ATP4A: variants seen among roughly 807,000 people sequenced by gnomAD.
ATP4A encodes ATPase H+/K+ transporting subunit alpha, also known as potassium-transporting ATPase alpha chain 1.
Under a neutral mutation model 112.1 loss-of-function variants are expected in ATP4A, and 73 were observed. The observed-to-expected ratio is 0.65, with a 90% CI of 0.54 to 0.79. ATP4A has a LOEUF of 0.79. Among genes scored for constraint, ATP4A ranks in the 30% least tolerant of loss-of-function variants. The pLI is 0.00. For synonymous variants in ATP4A, 588 were observed against 588.9 expected (o/e 1.00, Z 0.02); for missense variants, 1,081 against 1,425.9 (o/e 0.76, Z 3.90).
In ATP4A at chr19:35,558,491, G is replaced by T. The variant is rs369608411; in HGVS notation, c.1371C>A (p.Ile457=). The T allele has an allele frequency of 1.9e-4, 301 of 1,594,922 alleles. 7 individuals are homozygous for T. The South Asian group carries it at 3.2e-3, about 17-fold the overall frequency. Reference sequence around the variant, plus strand: ...CCGTCTCCGATGCGTCTCCAATCACGATGCGCTGGGAGCGGGGACCGGTGT... The same window carrying T: ...CCGTCTCCGATGCGTCTCCAATCACTATGCGCTGGGAGCGGGGACCGGTGT... The part of the protein sequence containing the change: ...GQDAVPVPKR[I]VIGDASETAL... The change falls in exon 10 of 22, where the codon ATC becomes ATA. Residue 457 remains isoleucine, a synonymous_variant. Transcript: ENST00000262623. The surrounding 1 kb of genome is among the most constrained non-coding windows in gnomAD (Gnocchi z 5.1).
chr19:35,553,565 C>T, intron 17 of ATP4A, 141 bp downstream of exon 17: 2 of 1,263,476 alleles, frequency 1.6e-6, no homozygotes, highest in African/African-American at 3.0e-5. Flanking sequence ...CAGAGAGGGA[C>T]ACGGAGGACA....
At position 35,557,130 on chromosome 19, in the gene ATP4A, C is replaced by G. The variant is rs1380923173; in HGVS notation, c.1694-42G>C. Reference sequence around the variant, plus strand: ...AAGTCAGGGAAGAGCCCTGGGCACACCCTTTCTTAGCAGGGCCAGGAAATG... The same window carrying G: ...AAGTCAGGGAAGAGCCCTGGGCACAGCCTTTCTTAGCAGGGCCAGGAAATG... On this transcript the variant is annotated intron_variant, in intron 11 of 21. Transcript: ENST00000262623. This position sits in a 1 kb window ranked among gnomAD's most constrained non-coding sequence, Gnocchi z 4.4. 2 of 1,607,142 alleles carry G rather than the reference C, an allele frequency of 1.2e-6. No homozygotes were observed.
In ATP4A at chr19:35,560,663, G is replaced by GGGGGGGGGGC; in HGVS notation, c.535-49_535-48insGCCCCCCCCC. The GGGGGGGGGGC allele has an allele frequency of 4.4e-5, 39 of 883,898 alleles. No homozygotes were observed. Among genetic ancestry groups the GGGGGGGGGGC allele is most frequent in the Non-Finnish European group, 6.4e-5 (36 of 561,668 alleles). The allele number at this position is 883,898 out of a possible 1,614,324, so 54.8% of individuals were successfully genotyped here. A position where few individuals can be genotyped will look rare whatever the true frequency, so the allele number is the denominator to read the frequency against. On this transcript the variant is annotated intron_variant, in intron 5 of 21. Coordinates refer to ENST00000262623, the MANE Select transcript of ATP4A (RefSeq NM_000704.3). The surrounding 1 kb of genome is among the most constrained non-coding windows in gnomAD (Gnocchi z 5.1). ...TTGAGGTGGACGGGGGTGGGGGTGGGAGCTGCTGCATGTGGGGAGGTAAAG... is the reference window on the plus strand; with the variant it reads ...TTGAGGTGGACGGGGGTGGGGGTGGGGGGGGGGGGCAGCTGCTGCATGTGGGGAGGTAAAG...
Position 35,558,099 on chromosome 19 carries a change from G to A in ATP4A, c.1501-252C>T. ...AGGGAATGAACAGAATTAGGGTGCG[G>A]AGTTGGGCTGGGGGCGGATTTGGAG... is the stretch of plus-strand genomic sequence containing the variant. On this transcript the variant is annotated intron_variant, in intron 10 of 21. Transcript: ENST00000262623. This position sits in a 1 kb window ranked among gnomAD's most constrained non-coding sequence, Gnocchi z 5.1. 1 of 617,520 alleles carries A rather than the reference G, an allele frequency of 1.6e-6. No homozygotes were observed. The highest frequency in any genetic ancestry group is 2.8e-6 in the Non-Finnish European group (1 of 356,790). 38.3% of individuals were successfully genotyped at this position (617,520 alleles called of 1,614,324 possible).
In ATP4A at chr19:35,551,301, T is replaced by A. The variant is rs997496353; in HGVS notation, c.2885+146A>T. 10 of 1,355,678 alleles carry A rather than the reference T, an allele frequency of 7.4e-6. No homozygotes were observed. Among genetic ancestry groups the A allele is most frequent in the Middle Eastern group, 1.9e-4 (1 of 5,256 alleles). The allele number at this position is 1,355,678 out of a possible 1,614,324, so 84.0% of individuals were successfully genotyped here. ...GTGGAGGGGGCCGTGGGGGGAGTTATTGGCCAGTTAGAAAGGTTTTTTTGG... is the reference window on the plus strand; with the variant it reads ...GTGGAGGGGGCCGTGGGGGGAGTTAATGGCCAGTTAGAAAGGTTTTTTTGG... On this transcript the variant is annotated intron_variant, in intron 19 of 21. Transcript: ENST00000262623. The surrounding 1 kb of genome is among the most constrained non-coding windows in gnomAD (Gnocchi z 5.2).
rs181550982 is a variant in ATP4A at position 35,550,478 on chromosome 19, G to A, written c.*137C>T. The A allele has an allele frequency of 4.7e-5, 56 of 1,188,824 alleles. No individual in the cohort carries two copies. The Admixed American group carries it at 6.8e-4, about 15-fold the overall frequency. The allele number at this position is 1,188,824 out of a possible 1,614,324, so 73.6% of individuals were successfully genotyped here. ...CAGGTCCCTCCAAGTTTGGGGTGCC[G>A]TGGGCTACAGAAGCAGATACTGGTG... is the stretch of plus-strand genomic sequence containing the variant. On this transcript the variant is annotated 3_prime_UTR_variant, in exon 22 of 22. Transcript: ENST00000262623. This position sits in a 1 kb window ranked among gnomAD's most constrained non-coding sequence, Gnocchi z 4.1.
At position 35,555,829 on chromosome 19, in the gene ATP4A, T is replaced by G. The variant is rs768008534; in HGVS notation, c.1870-17A>C. 31 of 1,596,346 alleles carry G rather than the reference T, an allele frequency of 1.9e-5. No homozygotes were observed. The highest frequency in any genetic ancestry group is 2.4e-5 in the Non-Finnish European group (28 of 1,166,806). On this transcript the variant is annotated splice_polypyrimidine_tract_variant and intron_variant, in intron 12 of 21. Coordinates refer to ENST00000262623, the MANE Select transcript of ATP4A (RefSeq NM_000704.3). The surrounding 1 kb of genome is among the most constrained non-coding windows in gnomAD (Gnocchi z 6.6). ...CATGATCACCTGTAGGGGGAACCAGTGGATCACTGACCCCTTCAGATCAGC... is the reference window on the plus strand; with the variant it reads ...CATGATCACCTGTAGGGGGAACCAGGGGATCACTGACCCCTTCAGATCAGC...
chr19:35,555,443 C>A lies in ATP4A; in HGVS notation c.2154G>T (p.Arg718=). The A allele has an allele frequency of 6.2e-7, 1 of 1,611,690 alleles. No homozygotes were observed. The highest frequency in any genetic ancestry group is 8.5e-7 in the Non-Finnish European group (1 of 1,178,632). The change falls in exon 14 of 22, where the codon CGG becomes CGT. Residue 718 remains arginine (R), a synonymous_variant. Transcript: ENST00000262623. The surrounding 1 kb of genome is among the most constrained non-coding windows in gnomAD (Gnocchi z 6.6). ...QKLVIVESCQ[R]LGAIVAVTGD... Reference sequence around the variant, plus strand: ...CACCCTCATCAGCAGGGCTCACCAGCCGCTGGCAGCTCTCCACGATCACCA... The same window carrying A: ...CACCCTCATCAGCAGGGCTCACCAGACGCTGGCAGCTCTCCACGATCACCA...
intron 16 of ATP4A, 48 bp downstream of exon 16, chr19:35,554,874 A>G: frequency 1.9e-6 from 3 of 1,611,440 alleles, no homozygotes; most frequent in Non-Finnish European, 2.5e-6. Flanking sequence ...TCTGCAAGCA[A>G]GTGTCTCTGG....
intron 3 of ATP4A, among the ~76,000 whole-genome samples, chr19:35,562,981 TCTCTCTCC>T (rs2071680747): frequency 6.7e-6 from 1 of 150,270 alleles, no homozygotes; most frequent in Non-Finnish European, 1.5e-5. Context: ...TCCCTCTCCC[TCTCTCTCC>T]CTCTCTCCAT....
At position 35,558,866 on chromosome 19, in the gene ATP4A, C is replaced by A. The variant is rs2071649935; in HGVS notation, c.1255+127G>T. 2 of 1,338,596 alleles carry A rather than the reference C, an allele frequency of 1.5e-6. No individual in the cohort carries two copies. The highest frequency in any genetic ancestry group is 2.9e-5 in the African/African-American group (2 of 68,946). 82.9% of individuals were successfully genotyped at this position (1,338,596 alleles called of 1,614,324 possible). ...CTTCCCTCTAGACCCGGTAGCGAGTCTCCTTTGAGACCTGGAGCCGAGCCG... is the reference window on the plus strand; with the variant it reads ...CTTCCCTCTAGACCCGGTAGCGAGTATCCTTTGAGACCTGGAGCCGAGCCG... On this transcript the variant is annotated intron_variant, in intron 8 of 21. Transcript: ENST00000262623. The surrounding 1 kb of genome is among the most constrained non-coding windows in gnomAD (Gnocchi z 5.1).
chr19:35,558,743 G>A lies in ATP4A; in HGVS notation c.1256-57C>T. ...ACGGCGGCTCTCCCGGACCAGAACC[G>A]AGCCCCCTCCTCCTAGGCTCATATC... On this transcript the variant is annotated intron_variant, in intron 8 of 21. Coordinates refer to ENST00000262623, the MANE Select transcript of ATP4A (RefSeq NM_000704.3). This position sits in a 1 kb window ranked among gnomAD's most constrained non-coding sequence, Gnocchi z 5.1. The A allele has an allele frequency of 1.3e-6, 2 of 1,502,126 alleles. No individual in the cohort carries two copies. Among genetic ancestry groups the A allele is most frequent in the South Asian group, 2.5e-5 (2 of 81,048 alleles). 93.0% of individuals were successfully genotyped at this position (1,502,126 alleles called of 1,614,324 possible). A position where few individuals can be genotyped will look rare whatever the true frequency, so the allele number is the denominator to read the frequency against.
At position 35,558,312 on chromosome 19, in the gene ATP4A, C is replaced by CT. The variant is rs1568314961; in HGVS notation, c.1500+49_1500+50insA. 1 of 1,564,384 alleles carries CT rather than the reference C, an allele frequency of 6.4e-7. No homozygotes were observed. Among genetic ancestry groups the CT allele is most frequent in the Admixed American group, 1.9e-5 (1 of 51,470 alleles). On this transcript the variant is annotated intron_variant, in intron 10 of 21. Transcript: ENST00000262623. This position sits in a 1 kb window ranked among gnomAD's most constrained non-coding sequence, Gnocchi z 5.1. Reference sequence around the variant, plus strand: ...CCGCTGATGTGGGTGTGGCCTGGGGCGGGGCCCGAGGTGGGCGGGCCCAGG... The same window carrying CT: ...CCGCTGATGTGGGTGTGGCCTGGGGCTGGGGCCCGAGGTGGGCGGGCCCAGG...
In ATP4A at chr19:35,555,526, C is replaced by T. The variant is rs779336531; in HGVS notation, c.2071G>A (p.Glu691Lys). ...LKDMDPSELV[E>K]ALRTHPEMVF... ...ATCTCGGGGTGGGTGCGCAGGGCCT[C>T]GACCAGTTCCGATGGGTCCATGTCC... Residue 691 changes from glutamate (E) to lysine (K), a missense_variant, in exon 14 of 22, where the codon GAG becomes AAG. Physicochemically the swap from Glu to Lys is moderately conservative, Grantham distance 56. Transcript: ENST00000262623. This position sits in a 1 kb window ranked among gnomAD's most constrained non-coding sequence, Gnocchi z 6.6. 1.2e-4 allele frequency: 186 copies of T among 1,603,256 alleles called. No homozygotes were observed. The highest frequency in any genetic ancestry group is 1.5e-4 in the Non-Finnish European group (171 of 1,173,118).
intron 4 of ATP4A, 129 bp from the exon 5 acceptor site, chr19:35,561,061 C>T: frequency 1.4e-6 from 1 of 709,436 alleles, no homozygotes; most frequent in Non-Finnish European, 2.5e-6. Context: ...CTAGGAAGCT[C>T]CATGCACCAT....
chr19:35,550,719 G>A lies in ATP4A; in HGVS notation c.3080-76C>T, dbSNP rs1304551222. Reference sequence around the variant, plus strand: ...CAGGGCCAGGGGCTCAGAGGTCAGTGCTGGTTGCTATGGAGGGTCAAGGGC... The same window carrying A: ...CAGGGCCAGGGGCTCAGAGGTCAGTACTGGTTGCTATGGAGGGTCAAGGGC... On this transcript the variant is annotated intron_variant, in intron 21 of 21. Coordinates refer to ENST00000262623, the MANE Select transcript of ATP4A (RefSeq NM_000704.3). The surrounding 1 kb of genome is among the most constrained non-coding windows in gnomAD (Gnocchi z 4.1). 2 of 1,609,194 alleles carry A rather than the reference G, an allele frequency of 1.2e-6. No homozygotes were observed. Among genetic ancestry groups the A allele is most frequent in the African/African-American group, 2.7e-5 (2 of 74,804 alleles).
In ATP4A at chr19:35,559,916, G is replaced by A; in HGVS notation, c.945C>T (p.Ala315=). 1 of 1,614,228 alleles carries A rather than the reference G, an allele frequency of 6.2e-7. No homozygotes were observed. The highest frequency in any genetic ancestry group is 8.5e-7 in the Non-Finnish European group (1 of 1,180,038). ...TGCACATGGCCACAATAAAAAATGT[G>A]GCACCGAAGAGAATGGCCAGGCCCG... ...IIAGLAILFG[A]TFFIVAMCIG... The change falls in exon 7 of 22, where the codon GCC becomes GCT. Residue 315 remains alanine, a synonymous_variant. Transcript: ENST00000262623. This position sits in a 1 kb window ranked among gnomAD's most constrained non-coding sequence, Gnocchi z 4.1.
chr19:35,553,021 G>A lies in ATP4A; in HGVS notation c.2751+16C>T, dbSNP rs1306514521. 1 of 1,579,530 alleles carries A rather than the reference G, an allele frequency of 6.3e-7. No homozygotes were observed. Among genetic ancestry groups the A allele is most frequent in the Non-Finnish European group, 8.7e-7 (1 of 1,155,482 alleles). On this transcript the variant is annotated intron_variant, in intron 18 of 21. Coordinates refer to ENST00000262623, the MANE Select transcript of ATP4A (RefSeq NM_000704.3). ...GGAGGGAGCCCAGGGATGGGATGGG[G>A]CGGGGCAGGGCTCACCCACTCCTGG... is the stretch of plus-strand genomic sequence containing the variant.
Position 35,560,915 on chromosome 19 carries a change from AGC to A in ATP4A, c.436_437del (p.Ala146SerfsTer27). The A allele has an allele frequency of 3.1e-6, 5 of 1,613,484 alleles. No homozygotes were observed. Among genetic ancestry groups the A allele is most frequent in the Non-Finnish European group, 4.2e-6 (5 of 1,179,846 alleles). ...TTDDNLYLAI[A>X]LIAVVVVTGC... The stretch of plus-strand genomic sequence containing the variant: ...CGGTGACGACAACCACAGCAATGAG[AGC>A]GATTGCCAGGTACAGCTGGGGACAG... On this transcript the variant is annotated frameshift_variant, in exon 5 of 22. Coordinates refer to ENST00000262623, the MANE Select transcript of ATP4A (RefSeq NM_000704.3). LOFTEE classifies it high-confidence loss of function. This position sits in a 1 kb window ranked among gnomAD's most constrained non-coding sequence, Gnocchi z 5.1.
Sources: allele counts gnomAD v4.1 joint callset (sites outside exome capture counted in the v4.1 genomes callset), GRCh38; gene constraint gnomAD v4.1.1; non-coding constraint Gnocchi (gnomAD v3.1); transcripts MANE v1.5; gene names NCBI Gene and HGNC (gene_info 2026-07-23, HGNC 2026-07-21).